PTGER3: variants seen among roughly 807,000 people sequenced by gnomAD.
The protein encoded by PTGER3 is prostaglandin E receptor 3.
A neutral mutation model predicts 34.7 loss-of-function variants in PTGER3; 22 were observed. That is an observed-to-expected ratio of 0.63 (90% CI 0.45 to 0.91). The LOEUF is 0.91. PTGER3 is among the 40% of genes least tolerant of loss of function. The pLI is 0.00. For synonymous variants in PTGER3, 241 were observed against 230.1 expected, an observed-to-expected ratio of 1.05 and a Z score of -0.43; for missense variants, 468 against 519.4, an observed-to-expected ratio of 0.90 and a Z score of 0.96.
Position 71,041,110 on chromosome 1 carries a change from C to T in PTGER3, c.897+5571G>A, listed in dbSNP as rs114653446. On this transcript the variant is annotated intron_variant, in intron 1 of 3. Coordinates refer to ENST00000306666, the MANE Select transcript of PTGER3 (RefSeq NM_198719.2). ...TGTTCCTCAACTTAAAACAGGGTTA[C>T]GTCTGGGTAAACTCACTGTCAGTTG... 7.3e-3 allele frequency among the ~76,000 whole-genome samples: 1,118 copies of T among 152,262 alleles called. 16 individuals are homozygous for T. Among genetic ancestry groups the T allele is most frequent in the African/African-American group, 0.026 (1,067 of 41,540 alleles).
intron 4 of PTGER3, among the ~76,000 whole-genome samples, chr1:70,854,482 C>T (rs898138491): frequency 5.9e-5 from 9 of 152,120 alleles, no homozygotes; most frequent in African/African-American, 2.2e-4. Flanking sequence ...AAAATGTAAT[C>T]TCCACATGTC....
At chr1:70,952,875 AAC>A (rs1650898648) in exon 4 of PTGER3, 1 of 1,554,806 alleles carries the variant, frequency 6.4e-7, no homozygotes, top group African/African-American at 1.4e-5. Flanking sequence ...GCTTTTTTAA[AAC>A]ACAGCACTCC....
chr1:71,022,892 A>G (rs1046951106), intron 1 of PTGER3, among the ~76,000 whole-genome samples: 1 of 151,794 alleles, frequency 6.6e-6, no homozygotes, highest in Admixed American at 6.6e-5. Context: ...CCCTCTGTCT[A>G]GCCCCTGGAT....
intron 2 of PTGER3, among the ~76,000 whole-genome samples, chr1:70,990,428 A>G (rs1308045011): frequency 7.4e-6 from 1 of 135,820 alleles, no homozygotes; most frequent in African/African-American, 2.8e-5. Context: ...TATTATACAT[A>G]TGTATCAATG....
chr1:70,907,293 T>C (rs967936762), intron 4 of PTGER3, among the ~76,000 whole-genome samples: 1 of 152,220 alleles, frequency 6.6e-6, no homozygotes, highest in African/African-American at 2.4e-5. Context: ...GGGCATACAC[T>C]AGCTTATGCA....
intron 2 of PTGER3, among the ~76,000 whole-genome samples, chr1:70,960,750 A>G (rs1284332222): frequency 1.3e-5 from 2 of 152,180 alleles, no homozygotes; most frequent in Non-Finnish European, 2.9e-5. Context: ...ACTGCTCCTT[A>G]AAAAATAGAA....
chr1:70,903,441 A>G (rs991557591), intron 4 of PTGER3, among the ~76,000 whole-genome samples: 1 of 152,232 alleles, frequency 6.6e-6, no homozygotes, highest in African/African-American at 2.4e-5. Flanking sequence ...ATCTTTGTAC[A>G]GATAATTTTA....
chr1:70,909,859 C>T (rs766414946), intron 4 of PTGER3, among the ~76,000 whole-genome samples: 13 of 152,198 alleles, frequency 8.5e-5, no homozygotes, highest in South Asian at 2.1e-4. Flanking sequence ...TCTTCACTCT[C>T]GCTCACCTCA....
intron 4 of PTGER3, among the ~76,000 whole-genome samples, chr1:70,888,851 T>A (rs1646552931): frequency 6.6e-6 from 1 of 152,154 alleles, no homozygotes; most frequent in Non-Finnish European, 1.5e-5. Context: ...TGCCTGTTTC[T>A]TTGGGATTCG....
At chr1:71,028,785 G>T (rs186973025) in intron 1 of PTGER3, among the ~76,000 whole-genome samples, 209 of 152,000 alleles carry the variant, frequency 1.4e-3, no homozygotes, top group Middle Eastern at 6.8e-3. Flanking sequence ...CTACCCTAAA[G>T]GTATGTTTAA....
intron 4 of PTGER3, among the ~76,000 whole-genome samples, chr1:70,870,610 C>CATA (rs1646142024): frequency 6.6e-6 from 1 of 152,198 alleles, no homozygotes; most frequent in Admixed American, 6.5e-5. Flanking sequence ...GGTATCTGAA[C>CATA]ATAGGCTGTT....
chr1:70,997,321 T>C (rs1311177411), intron 2 of PTGER3: 1 of 152,150 alleles, frequency 6.6e-6, no homozygotes, highest in Non-Finnish European at 1.5e-5. Flanking sequence ...GTCTCTTCTC[T>C]TGGTTATGAA....
rs1557762576 is a variant in PTGER3 at position 71,034,047 on chromosome 1, T to TCA, written c.897+12633_897+12634insTG. ...ATGTCTTTAAGTAAATTTAGTATTGTTATGATGTGTCTGTATCTGGATTCT... is the reference window on the plus strand; with the variant it reads ...ATGTCTTTAAGTAAATTTAGTATTGTCATATGATGTGTCTGTATCTGGATTCT... On this transcript the variant is annotated intron_variant, in intron 1 of 3. Transcript: ENST00000306666. 2.6e-5 allele frequency among the ~76,000 whole-genome samples: 4 copies of TCA among 152,164 alleles called. No homozygotes were observed. The East Asian group carries it at 7.7e-4, about 29-fold the overall frequency.
chr1:70,953,128 C>A (rs1650942012), intron 3 of PTGER3: 1 of 1,334,518 alleles, frequency 7.5e-7, no homozygotes, highest in Non-Finnish European at 1.0e-6. Context: ...AAAAATAATA[C>A]AAATAAAAAG....
At chr1:70,957,358 A>G (rs756381952) in intron 2 of PTGER3, among the ~76,000 whole-genome samples, 61 of 152,138 alleles carry the variant, frequency 4.0e-4, no homozygotes, top group Non-Finnish European at 5.7e-4. Flanking sequence ...TTCCTACAAC[A>G]TTTCATCCTC....
chr1:70,908,877 A>T (rs562934991), intron 4 of PTGER3, among the ~76,000 whole-genome samples: 1 of 152,188 alleles, frequency 6.6e-6, no homozygotes, highest in African/African-American at 2.4e-5. Context: ...AGAAAGCCCT[A>T]TGCAATTACA....
intron 4 of PTGER3, among the ~76,000 whole-genome samples, chr1:70,858,057 C>T (rs1168706289): frequency 6.6e-6 from 1 of 152,150 alleles, no homozygotes; most frequent in Admixed American, 6.5e-5. Flanking sequence ...GTCTCAAGAA[C>T]CACTGATATA....
At chr1:71,023,547 G>A (rs907469604) in intron 1 of PTGER3, among the ~76,000 whole-genome samples, 1 of 151,762 alleles carries the variant, frequency 6.6e-6, no homozygotes, top group Non-Finnish European at 1.5e-5. Flanking sequence ...GCTCCAAATG[G>A]ATTAGTTTAG....
chr1:71,047,670 C>T lies in PTGER3; in HGVS notation c.-93G>A. The T allele has an allele frequency of 2.1e-6, 3 of 1,399,560 alleles. No homozygotes were observed. The highest frequency in any genetic ancestry group is 2.8e-6 in the Non-Finnish European group (3 of 1,054,886). The allele number at this position is 1,399,560 out of a possible 1,614,324, so 86.7% of individuals were successfully genotyped here. On this transcript the variant is annotated 5_prime_UTR_variant, in exon 1 of 4. Coordinates refer to ENST00000306666, the MANE Select transcript of PTGER3 (RefSeq NM_198719.2). Reference sequence around the variant, plus strand: ...GGCGGCGGCGGAGGTCGGCGTTTACCGCGGCTGGGGCTGGGCTGCCCCCCA... The same window carrying T: ...GGCGGCGGCGGAGGTCGGCGTTTACTGCGGCTGGGGCTGGGCTGCCCCCCA...
Sources: allele counts gnomAD v4.1 joint callset (sites outside exome capture counted in the v4.1 genomes callset), GRCh38; gene constraint gnomAD v4.1.1; transcripts MANE v1.5; gene names NCBI Gene and HGNC (gene_info 2026-07-23, HGNC 2026-07-21).